Variants in LARGE1 observed in about 807,000 individuals in gnomAD.
LARGE1 encodes the protein LARGE xylosyl- and glucuronyltransferase 1, also known as xylosyl- and glucuronyltransferase LARGE1.
Under a neutral mutation model 87.6 loss-of-function variants are expected in LARGE1, and 43 were observed. The ratio of observed to expected loss-of-function variants is 0.49; its 90% CI spans 0.38 to 0.63. LARGE1 has a LOEUF of 0.63. LARGE1 is among the 30% of genes least tolerant of loss of function. The pLI is 0.00. For synonymous variants in LARGE1, 434 were observed against 394.6 expected (o/e 1.10, Z -1.18); for missense variants, 802 against 1,000.2 (o/e 0.80, Z 2.67).
chr22:33,165,219 A>G (rs964989485), exon 12 of LARGE1: 8 of 152,338 alleles, frequency 5.3e-5, no homozygotes, highest in Middle Eastern at 3.4e-3. Context: ...TAGATCCTGA[A>G]GAAGCCACAA....
intron 6 of LARGE1, among the ~76,000 whole-genome samples, chr22:33,475,827 C>T (rs2069054642): frequency 6.6e-6 from 1 of 152,114 alleles, no homozygotes; most frequent in Non-Finnish European, 1.5e-5. Context: ...ATCAGCCATT[C>T]TTTTTAACCA....
intron 1 of LARGE1, among the ~76,000 whole-genome samples, chr22:33,899,167 C>T (rs919912680): frequency 3.9e-5 from 6 of 152,126 alleles, no homozygotes; most frequent in African/African-American, 7.2e-5. Context: ...CTGTACAAGG[C>T]GGCCATATAA....
the LARGE1 span, among the ~76,000 whole-genome samples, chr22:33,068,383 C>T: frequency 5.1e-4 from 77 of 152,288 alleles, no homozygotes; most frequent in Middle Eastern, 3.4e-3. Flanking sequence ...CGGTGGCTCA[C>T]GCCTGTAATC....
chr22:33,803,911 T>A (rs888153573), intron 1 of LARGE1, among the ~76,000 whole-genome samples: 5 of 152,206 alleles, frequency 3.3e-5, no homozygotes, highest in Non-Finnish European at 7.3e-5. Context: ...CCCAGTCTTA[T>A]CGGGTCTGAG....
intron 13 of LARGE1, among the ~76,000 whole-genome samples, chr22:33,280,811 A>C (rs1930299417): frequency 6.6e-6 from 1 of 152,180 alleles, no homozygotes; most frequent in Admixed American, 6.5e-5. Context: ...ACTTTGCTTT[A>C]AGCAGTGGTT....
At chr22:33,594,378 G>T (rs1170396053) in intron 5 of LARGE1, among the ~76,000 whole-genome samples, 1 of 152,078 alleles carries the variant, frequency 6.6e-6, no homozygotes, top group Non-Finnish European at 1.5e-5. Flanking sequence ...ACCCCAAAAA[G>T]GGCCTCATCG....
At chr22:33,654,047 C>T (rs898065454) in intron 2 of LARGE1, among the ~76,000 whole-genome samples, 2 of 152,128 alleles carry the variant, frequency 1.3e-5, no homozygotes, top group Non-Finnish European at 2.9e-5. Flanking sequence ...GAAATGCTAT[C>T]GACATCCTGT....
chr22:33,799,679 G>A (rs1306202735), intron 1 of LARGE1, among the ~76,000 whole-genome samples: 1 of 152,090 alleles, frequency 6.6e-6, no homozygotes, highest in Non-Finnish European at 1.5e-5. Flanking sequence ...CAATCTGCCC[G>A]CCTCGGCCTC....
At chr22:33,181,621 T>C (rs112766276) in intron 11 of LARGE1, among the ~76,000 whole-genome samples, 12,667 of 151,772 alleles carry the variant, frequency 0.083, 699 homozygotes, top group Middle Eastern at 0.2. Flanking sequence ...CTCCGACTCC[T>C]GGGTTCATGC....
chr22:33,629,105 C>T (rs2080022297), intron 3 of LARGE1, among the ~76,000 whole-genome samples: 1 of 152,098 alleles, frequency 6.6e-6, no homozygotes, highest in South Asian at 2.1e-4. Context: ...ATTTCTCCAC[C>T]TGTAAAAGAA....
chr22:33,633,584 A>G lies in LARGE1; in HGVS notation c.409-7258T>C, dbSNP rs146278211. On this transcript the variant is annotated intron_variant, in intron 3 of 14. Coordinates refer to ENST00000397394, the MANE Select transcript of LARGE1 (RefSeq NM_133642.5). ...TGGCAGAACTCTTCAACACCCTGCC[A>G]GCCCTGCTTCTCTTGCCCACAGGGC... Among the ~76,000 whole-genome samples, 452 of 152,334 alleles carry G rather than the reference A, an allele frequency of 3.0e-3. 2 individuals carry two copies. Among genetic ancestry groups the G allele is most frequent in the African/African-American group, 0.01 (433 of 41,576 alleles).
At chr22:33,850,973 AC>A (rs2063567555) in intron 1 of LARGE1, among the ~76,000 whole-genome samples, 1 of 152,126 alleles carries the variant, frequency 6.6e-6, no homozygotes, top group Non-Finnish European at 1.5e-5. Flanking sequence ...TCCTATGGCA[AC>A]CCCCATTTCT....
intron 2 of LARGE1, among the ~76,000 whole-genome samples, chr22:33,688,706 T>C (rs892272991): frequency 6.6e-6 from 1 of 152,154 alleles, no homozygotes; most frequent in Non-Finnish European, 1.5e-5. Context: ...CCTCCTCCCC[T>C]GGCCGTATCA....
At chr22:33,307,598 T>C (rs1212556615) in intron 11 of LARGE1, among the ~76,000 whole-genome samples, 1 of 152,152 alleles carries the variant, frequency 6.6e-6, no homozygotes, top group African/African-American at 2.4e-5. Flanking sequence ...TAATACATAT[T>C]TGTTATTTCC....
chr22:33,625,489 A>C (rs1186498010), intron 4 of LARGE1, among the ~76,000 whole-genome samples: 1 of 152,218 alleles, frequency 6.6e-6, no homozygotes, highest in Non-Finnish European at 1.5e-5. Context: ...AGGTTGGGAA[A>C]CAGTTTAACT....
intron 6 of LARGE1, among the ~76,000 whole-genome samples, chr22:33,553,965 C>A (rs950660942): frequency 1.3e-5 from 2 of 152,126 alleles, no homozygotes; most frequent in South Asian, 2.1e-4. Flanking sequence ...GGTGATGGAT[C>A]CGTGAGGCTC....
At chr22:33,751,644 T>G (rs2084320194) in intron 2 of LARGE1, among the ~76,000 whole-genome samples, 1 of 152,296 alleles carries the variant, frequency 6.6e-6, no homozygotes, top group South Asian at 2.1e-4. Context: ...TTTTGCCTGT[T>G]TTTGAACTTG....
chr22:33,656,835 C>G (rs954447849), intron 2 of LARGE1: 1 of 152,208 alleles, frequency 6.6e-6, no homozygotes, highest in Non-Finnish European at 1.5e-5. Context: ...ATCATCGACT[C>G]TGAATCTCTG....
At position 33,323,078 on chromosome 22, in the gene LARGE1, C is replaced by T. The variant is rs184878621; in HGVS notation, c.1288-6830G>A. Among the ~76,000 whole-genome samples the T allele has an allele frequency of 7.3e-3, 1,108 of 152,212 alleles. 6 individuals carry two copies. The highest frequency in any genetic ancestry group is 0.016 in the South Asian group (77 of 4,820). ...GGATGGTTGCAGTGAGCCGAGATCACGCCATTGCACTCCAGCCTGGGTGAC... is the reference window on the plus strand; with the variant it reads ...GGATGGTTGCAGTGAGCCGAGATCATGCCATTGCACTCCAGCCTGGGTGAC... On this transcript the variant is annotated intron_variant, in intron 10 of 14. Transcript: ENST00000397394.
Sources: gnomAD v4.1 joint callset for allele counts (sites outside exome capture counted in the v4.1 genomes callset) on GRCh38, gnomAD v4.1.1 for gene constraint, MANE v1.5 for transcripts, NCBI Gene and HGNC (gene_info 2026-07-23, HGNC 2026-07-21) for gene names.